TRPC4: variants seen among roughly 807,000 people sequenced by gnomAD.
TRPC4 encodes transient receptor potential cation channel subfamily C member 4.
A neutral mutation model predicts 99.4 loss-of-function variants in TRPC4; 49 were observed. The ratio of observed to expected loss-of-function variants is 0.49; its 90% CI spans 0.39 to 0.63. The LOEUF (loss-of-function observed/expected upper bound fraction) is 0.63. TRPC4 is among the 20% of genes least tolerant of loss of function. TRPC4 has a pLI of 0.00. For missense variants in TRPC4, 898 were observed against 1,152.9 expected (o/e 0.78, Z 3.20); for synonymous variants, 454 against 425.9 (o/e 1.07, Z -0.81).
chr13:37,639,077 G>A lies in TRPC4; in HGVS notation c.2174C>T (p.Ala725Val). The change falls in exon 10 of 11, where the codon GCT (alanine) becomes GTT (valine). Residue 725 changes from alanine (A) to valine (V), a missense_variant. Physicochemically the swap from Ala to Val is moderately conservative, Grantham distance 64. Transcript: ENST00000379705. The part of the protein sequence containing the change: ...KRYVAAMIRD[A>V]KTEEGLTEEN... ...TTCGGTCAGGCCTTCTTCAGTTTTAGCATCTCTAATCATTGCAGCAACGTA... is the reference window on the plus strand; with the variant it reads ...TTCGGTCAGGCCTTCTTCAGTTTTAACATCTCTAATCATTGCAGCAACGTA... 30 of 1,613,666 alleles carry A rather than the reference G, an allele frequency of 1.9e-5. No individual in the cohort carries two copies. The highest frequency in any genetic ancestry group is 2.5e-5 in the Non-Finnish European group (29 of 1,179,648).
At chr13:37,650,055 A>G (rs548357178) in intron 8 of TRPC4, among the ~76,000 whole-genome samples, 41 of 152,334 alleles carry the variant, frequency 2.7e-4, no homozygotes, top group Admixed American at 1.9e-3. Context: ...CTTTGGAATT[A>G]GAGTTGTTAC....
At chr13:37,646,822 A>G (rs1535775) in intron 8 of TRPC4, among the ~76,000 whole-genome samples, 111,136 of 152,164 alleles carry the variant, frequency 0.73, 41,404 homozygotes, top group Non-Finnish European at 0.8. Context: ...AGTTAAGAGT[A>G]TGTTTCTTAT....
At chr13:37,763,177 T>C (rs1284377332) in intron 2 of TRPC4, among the ~76,000 whole-genome samples, 1 of 151,616 alleles carries the variant, frequency 6.6e-6, no homozygotes, top group African/African-American at 2.4e-5. Context: ...TGTTGTTTGT[T>C]GAAAATTTGA....
intron 1 of TRPC4, among the ~76,000 whole-genome samples, chr13:37,807,834 C>T (rs1225440406): frequency 6.6e-6 from 1 of 151,976 alleles, no homozygotes; most frequent in Non-Finnish European, 1.5e-5. Context: ...TGAAAATCCT[C>T]TGTAGTCATA....
At chr13:37,777,670 A>C (rs929679368) in intron 2 of TRPC4, among the ~76,000 whole-genome samples, 2 of 151,970 alleles carry the variant, frequency 1.3e-5, no homozygotes, top group Non-Finnish European at 2.9e-5. Flanking sequence ...TTATTTGTAC[A>C]TTTGTTTGTC....
intron 3 of TRPC4, among the ~76,000 whole-genome samples, chr13:37,738,174 T>G (rs532434065): frequency 6.6e-6 from 1 of 152,196 alleles, no homozygotes; most frequent in South Asian, 2.1e-4. Context: ...ATGAGCAGGA[T>G]GTACAGTAGG....
chr13:37,809,947 C>A (rs1045561839), intron 1 of TRPC4, among the ~76,000 whole-genome samples: 1 of 151,962 alleles, frequency 6.6e-6, no homozygotes, highest in Non-Finnish European at 1.5e-5. Context: ...AGATTTACAA[C>A]TAAAAAATGA....
intron 1 of TRPC4, among the ~76,000 whole-genome samples, chr13:37,788,717 A>G (rs1957032748): frequency 1.3e-5 from 2 of 151,992 alleles, no homozygotes; most frequent in South Asian, 4.2e-4. Flanking sequence ...CCCTATTCTT[A>G]TCATCACTTG....
chr13:37,752,984 A>ACACACG (rs1266459245), intron 2 of TRPC4, among the ~76,000 whole-genome samples: 13 of 151,636 alleles, frequency 8.6e-5, no homozygotes, highest in Non-Finnish European at 1.5e-4. Flanking sequence ...CTCCACACAC[A>ACACACG]CACACACGCA....
chr13:37,660,320 C>T (rs941723748), intron 6 of TRPC4, among the ~76,000 whole-genome samples: 1 of 152,022 alleles, frequency 6.6e-6, no homozygotes, highest in African/African-American at 2.4e-5. Flanking sequence ...ATGAAGCAGA[C>T]ACATTAAGTA....
intron 1 of TRPC4, among the ~76,000 whole-genome samples, chr13:37,818,058 C>T (rs184418179): frequency 5.3e-4 from 80 of 152,030 alleles, no homozygotes; most frequent in Non-Finnish European, 1.8e-4. Context: ...AACTAAAGCG[C>T]TTTTGCATAG....
intron 3 of TRPC4, among the ~76,000 whole-genome samples, chr13:37,703,037 C>T (rs1354895524): frequency 3.3e-5 from 5 of 152,000 alleles, no homozygotes; most frequent in Admixed American, 3.3e-4. Context: ...GCACTGTACC[C>T]TTAGTAAAGA....
intron 5 of TRPC4, among the ~76,000 whole-genome samples, chr13:37,671,356 CTT>C (rs1181120642): frequency 6.6e-6 from 1 of 152,096 alleles, no homozygotes; most frequent in East Asian, 1.9e-4. Context: ...AGTGAGTACT[CTT>C]TTGATTATTA....
chr13:37,751,685 T>C (rs1385650956), intron 2 of TRPC4, among the ~76,000 whole-genome samples: 1 of 152,112 alleles, frequency 6.6e-6, no homozygotes, highest in Non-Finnish European at 1.5e-5. Flanking sequence ...TTTATTCATA[T>C]ATTGAATCAA....
rs139337255 is a variant in TRPC4, at chr13:37,746,038, C to G, written c.796G>C (p.Glu266Gln). The G allele has an allele frequency of 1.7e-5, 28 of 1,613,744 alleles. No individual in the cohort carries two copies. In the Admixed American group the frequency reaches 4.7e-4, roughly 27 times the overall value. ...LDQTRSSREL[E>Q]IILNYRDDNS... ...TCATCTCGGTAATTAAGAATGATTT[C>G]CAGTTCTCTGGAACTTCTCGTCTGA... Residue 266 changes from glutamate to glutamine, a missense_variant, in exon 3 of 11, where the codon GAA becomes CAA. By Grantham distance (29) the Glu-to-Gln change is conservative. Transcript: ENST00000379705.
At position 37,783,319 on chromosome 13, in the gene TRPC4, A is replaced by G. The variant is rs372950515; in HGVS notation, c.15T>C (p.Tyr5=). 3.2e-6 allele frequency: 5 copies of G among 1,578,872 alleles called. No homozygotes were observed. The African/African-American group carries it at 5.5e-5, about 17-fold the overall frequency. Residue 5 remains tyrosine, a synonymous_variant, in exon 2 of 11, where the codon TAT becomes TAC. Coordinates refer to ENST00000379705, the MANE Select transcript of TRPC4 (RefSeq NM_016179.4). ...AGGGAGCATTAACATTTCTTTTGTA[A>G]TAGAACTGAGCCATGTTTCATGCCA... The part of the protein sequence containing the change: MAQF[Y]YKRNVNAPYR...
chr13:37,738,824 G>A (rs944742743), intron 3 of TRPC4, among the ~76,000 whole-genome samples: 2 of 152,162 alleles, frequency 1.3e-5, no homozygotes, highest in African/African-American at 4.8e-5. Context: ...AATTTAGGCA[G>A]AATCCACATA....
At chr13:37,711,116 A>G (rs1954470448) in intron 3 of TRPC4, among the ~76,000 whole-genome samples, 1 of 151,986 alleles carries the variant, frequency 6.6e-6, no homozygotes. Context: ...ATAGTACTAC[A>G]TACCTTTTGC....
At chr13:37,675,688 GA>G (rs1953021791) in intron 4 of TRPC4, among the ~76,000 whole-genome samples, 1 of 152,102 alleles carries the variant, frequency 6.6e-6, no homozygotes, top group African/African-American at 2.4e-5. Context: ...TTAGAGCAGG[GA>G]CAGGAAAAAC....
Sources: allele counts gnomAD v4.1 joint callset (sites outside exome capture counted in the v4.1 genomes callset), GRCh38; gene constraint gnomAD v4.1.1; transcripts MANE v1.5; gene names NCBI Gene and HGNC (gene_info 2026-07-23, HGNC 2026-07-21).